Variants in TAX1BP1 observed in about 807,000 individuals in gnomAD.
TAX1BP1 encodes Tax1 binding protein 1.
In TAX1BP1, 62 loss-of-function variants were observed where a neutral mutation model predicts 97.7. That is an observed-to-expected ratio of 0.63 (90% confidence interval 0.52 to 0.78). The LOEUF (loss-of-function observed/expected upper bound fraction) is 0.78, where lower values mean the gene tolerates loss of function less well. TAX1BP1 is among the 30% of genes least tolerant of loss of function. The probability of loss-of-function intolerance (pLI) is 0.00; values close to 1 mark genes in which losing one functional copy is unlikely to be tolerated. For missense variants in TAX1BP1, 867 were observed against 916.1 expected, an observed-to-expected ratio of 0.95 and a Z score of 0.69; for synonymous variants, 340 against 304.2, an observed-to-expected ratio of 1.12 and a Z score of -1.23.
In TAX1BP1 at chr7:27,787,564, A is replaced by G; in HGVS notation, c.999A>G (p.Glu333=). The G allele has an allele frequency of 2.5e-6, 4 of 1,612,572 alleles. No individual in the cohort carries two copies. The highest frequency in any genetic ancestry group is 2.5e-6 in the Non-Finnish European group (3 of 1,179,340). ...GRLQLCLAEK[E]NLQRTFLLTT... is the part of the protein sequence containing the mutation. The stretch of plus-strand genomic sequence containing the variant: ...TGCAGTTATGTTTGGCTGAAAAGGA[A>G]AATCTGCAAAGAACTTTCCTGCTTA... Residue 333 remains glutamate, a synonymous_variant, in exon 8 of 17, where the codon GAA becomes GAG. Coordinates refer to ENST00000396319, the MANE Select transcript of TAX1BP1 (RefSeq NM_006024.7).
chr7:27,779,201 G>C (rs1308958293), intron 5 of TAX1BP1, among the ~76,000 whole-genome samples: 1 of 152,060 alleles, frequency 6.6e-6, no homozygotes, highest in Admixed American at 6.6e-5. Context: ...ATGTTTCCCA[G>C]CTGGCCTCAG....
intron 15 of TAX1BP1, among the ~76,000 whole-genome samples, chr7:27,818,700 A>C (rs1306332090): frequency 6.6e-6 from 1 of 152,192 alleles, no homozygotes; most frequent in Non-Finnish European, 1.5e-5. Context: ...TTAACATCAT[A>C]ATTATGACAG....
intron 3 of TAX1BP1, among the ~76,000 whole-genome samples, chr7:27,761,309 T>C (rs767479707): frequency 6.6e-6 from 1 of 152,226 alleles, no homozygotes; most frequent in South Asian, 2.1e-4. Flanking sequence ...TTTGTTATAA[T>C]TGATGGACCA....
At chr7:27,759,782 G>T (rs1227871126) in intron 3 of TAX1BP1, among the ~76,000 whole-genome samples, 1 of 151,668 alleles carries the variant, frequency 6.6e-6, no homozygotes, top group East Asian at 1.9e-4. Flanking sequence ...ATTATGAGAT[G>T]AATGATTTAA....
chr7:27,825,920 A>C (rs1170012603), intron 15 of TAX1BP1, among the ~76,000 whole-genome samples: 1 of 152,162 alleles, frequency 6.6e-6, no homozygotes, highest in Non-Finnish European at 1.5e-5. Context: ...GCCCCATTTT[A>C]TCTTTTCCAA....
chr7:27,743,068 C>G (rs1299925488), intron 1 of TAX1BP1, among the ~76,000 whole-genome samples: 1 of 152,076 alleles, frequency 6.6e-6, no homozygotes, highest in Non-Finnish European at 1.5e-5. Context: ...ATGTCCTCTA[C>G]CCTAATATGT....
At chr7:27,765,261 C>T (rs1324269327) in intron 3 of TAX1BP1, among the ~76,000 whole-genome samples, 2 of 151,690 alleles carry the variant, frequency 1.3e-5, no homozygotes, top group Non-Finnish European at 2.9e-5. Flanking sequence ...TCAAGCGAAT[C>T]TGCCCACCTT....
At chr7:27,752,096 A>G (rs1479925539) in intron 2 of TAX1BP1, among the ~76,000 whole-genome samples, 1 of 152,266 alleles carries the variant, frequency 6.6e-6, no homozygotes, top group African/African-American at 2.4e-5. Flanking sequence ...AGTAAGATAA[A>G]TTGGAATTCG....
chr7:27,787,842 A>T (rs989344110), intron 8 of TAX1BP1, among the ~76,000 whole-genome samples: 1 of 152,004 alleles, frequency 6.6e-6, no homozygotes. Flanking sequence ...AAGTATTACG[A>T]TAATTTACTC....
chr7:27,820,833 G>A (rs1191336695), intron 15 of TAX1BP1, among the ~76,000 whole-genome samples: 1 of 152,206 alleles, frequency 6.6e-6, no homozygotes, highest in Non-Finnish European at 1.5e-5. Context: ...AAGCAACAAA[G>A]GAAAAAATAG....
At chr7:27,809,807 T>C (rs1043516003) in intron 13 of TAX1BP1, among the ~76,000 whole-genome samples, 1 of 152,218 alleles carries the variant, frequency 6.6e-6, no homozygotes, top group Non-Finnish European at 1.5e-5. Flanking sequence ...CTTGACTCTA[T>C]TTCAGTAGTG....
At chr7:27,788,813 A>G (rs925098819) in intron 8 of TAX1BP1, among the ~76,000 whole-genome samples, 1 of 152,012 alleles carries the variant, frequency 6.6e-6, no homozygotes, top group African/African-American at 2.4e-5. Flanking sequence ...CCATTTCTCC[A>G]AGAAACTCTG....
At chr7:27,816,265 TA>T in intron 13 of TAX1BP1, 83 bp from the exon 14 acceptor site, 1 of 1,103,726 alleles carries the variant, frequency 9.1e-7, no homozygotes, top group Non-Finnish European at 1.3e-6. Flanking sequence ...TTTATTGTTA[TA>T]TTTTGACTAA....
upstream of TAX1BP1, chr7:27,740,126 CA>C (rs1787507681): frequency 6.6e-6 from 1 of 152,310 alleles, no homozygotes; most frequent in Non-Finnish European, 1.5e-5. Flanking sequence ...GGAAGTGACG[CA>C]AGGCCTACTG....
chr7:27,755,906 C>G (rs1430854263), intron 2 of TAX1BP1, among the ~76,000 whole-genome samples: 1 of 152,110 alleles, frequency 6.6e-6, no homozygotes, highest in East Asian at 1.9e-4. Context: ...CCATGTTCTC[C>G]CTGCCATTTT....
At chr7:27,754,709 A>C (rs1788146187) in intron 2 of TAX1BP1, among the ~76,000 whole-genome samples, 1 of 151,956 alleles carries the variant, frequency 6.6e-6, no homozygotes, top group South Asian at 2.1e-4. Context: ...AGTAGCTGGG[A>C]CTACAGGCAC....
At chr7:27,739,542 CA>C (rs1163160635), upstream of TAX1BP1, 3 of 152,152 alleles carry the variant, frequency 2.0e-5, no homozygotes, top group Non-Finnish European at 4.4e-5. Context: ...ATACGGATAA[CA>C]AAAGCAGGTA....
At chr7:27,751,168 G>A (rs777752923) in intron 2 of TAX1BP1, among the ~76,000 whole-genome samples, 6 of 151,956 alleles carry the variant, frequency 3.9e-5, no homozygotes, top group Non-Finnish European at 8.8e-5. Flanking sequence ...TTTAAGGATT[G>A]TAAGTTTTCT....
At chr7:27,816,794 A>G in intron 14 of TAX1BP1, 96 bp from the exon 15 acceptor site, 2 of 1,454,746 alleles carry the variant, frequency 1.4e-6, no homozygotes, top group Non-Finnish European at 1.9e-6. Flanking sequence ...TTCACATGCC[A>G]AAGTGGTTCT....
Sources: gnomAD v4.1 joint callset for allele counts (sites outside exome capture counted in the v4.1 genomes callset) on GRCh38, gnomAD v4.1.1 for gene constraint, MANE v1.5 for transcripts, NCBI Gene and HGNC (gene_info 2026-07-23, HGNC 2026-07-21) for gene names.